Variants in KLHL4 observed in about 807,000 individuals in gnomAD.
KLHL4 encodes the protein kelch-like protein 4.
KLHL4 carries 17 observed loss-of-function variants against 45.8 expected under a neutral mutation model. That is an observed-to-expected ratio of 0.37 (90% CI 0.25 to 0.56). The LOEUF is 0.56. KLHL4 is among the 20% of genes least tolerant of loss of function. The pLI, the probability that KLHL4 is intolerant of heterozygous loss-of-function variation, is 0.79. For synonymous variants in KLHL4, 224 were observed against 189.9 expected, an observed-to-expected ratio of 1.18 and a Z score of -1.47; for missense variants, 544 against 544.9, an observed-to-expected ratio of 1.00 and a Z score of 0.02.
chrX:87,644,545 G>GA (rs1195675911), intron 9 of KLHL4, among the ~76,000 whole-genome samples: 16 of 111,013 alleles, frequency 1.4e-4, no homozygotes, highest in African/African-American at 3.3e-5. Context: ...CACAGAATTA[G>GA]AAAAAACAAT....
Position 87,669,373 on chromosome X carries a change from G to A in KLHL4, c.*2839G>A, listed in dbSNP as rs1482754586. 8.3e-7 allele frequency: 1 copy of A among 1,206,403 alleles called. No homozygotes were observed. The highest frequency in any genetic ancestry group is 1.8e-5 in the African/African-American group (1 of 56,885). On this transcript the variant is annotated 3_prime_UTR_variant, in exon 11 of 11. Transcript: ENST00000373119. The stretch of plus-strand genomic sequence containing the variant: ...AAAACTTCTATACCACACAGAAGCT[G>A]AAAGAGACTCTGGGGCACTAAATTC...
At chrX:87,524,044 A>G (rs189035889) in intron 1 of KLHL4, among the ~76,000 whole-genome samples, 1,361 of 111,984 alleles carry the variant, frequency 0.012, 13 homozygotes, top group South Asian at 0.05. Flanking sequence ...CAAATAATTT[A>G]TGCCAGCACT....
At chrX:87,537,598 C>T (rs1184222976) in intron 1 of KLHL4, among the ~76,000 whole-genome samples, 1 of 110,763 alleles carries the variant, frequency 9.0e-6, no homozygotes, top group Non-Finnish European at 1.9e-5. Context: ...GCCCTGTTAT[C>T]AAGGTATAAC....
At chrX:87,665,696 A>G (rs958891563) in intron 10 of KLHL4, among the ~76,000 whole-genome samples, 5 of 111,741 alleles carry the variant, frequency 4.5e-5, no homozygotes, top group Non-Finnish European at 9.4e-5. Context: ...CCATCTCCAC[A>G]AAAAGGCAAA....
chrX:87,595,422 T>C (rs907521183), intron 1 of KLHL4, among the ~76,000 whole-genome samples: 1 of 112,104 alleles, frequency 8.9e-6, no homozygotes, highest in African/African-American at 3.2e-5. Flanking sequence ...CCAGCCCACC[T>C]CAACTTAGTT....
intron 5 of KLHL4, among the ~76,000 whole-genome samples, chrX:87,622,893 A>G (rs1386047907): frequency 8.9e-6 from 1 of 111,810 alleles, no homozygotes; most frequent in East Asian, 2.8e-4. Context: ...AGGCATCCTC[A>G]CCATATATGT....
Position 87,614,051 on chromosome X carries a change from A to AT in KLHL4, c.590+12dup. On this transcript the variant is annotated splice_region_variant and intron_variant, in intron 2 of 10. Transcript: ENST00000373119. ...TCCGCATCCCAGCCCATAGGTAAGT[A>AT]TTTTTATGTATACAGAATGGTTTTG... 8.5e-7 allele frequency: 1 copy of AT among 1,178,788 alleles called. No individual in the cohort carries two copies. Among genetic ancestry groups the AT allele is most frequent in the Non-Finnish European group, 1.1e-6 (1 of 873,029 alleles).
intron 1 of KLHL4, among the ~76,000 whole-genome samples, chrX:87,554,617 G>A (rs1931924160): frequency 9.4e-6 from 1 of 106,626 alleles, no homozygotes; most frequent in South Asian, 4.3e-4. Flanking sequence ...AGAGATTTTG[G>A]CTGAGACAAT....
At chrX:87,554,085 T>A (rs1449085145) in intron 1 of KLHL4, among the ~76,000 whole-genome samples, 1 of 97,909 alleles carries the variant, frequency 1.0e-5, no homozygotes, top group Admixed American at 1.2e-4. Flanking sequence ...ATATCTCTGT[T>A]TTGGTACCAG....
At chrX:87,584,616 G>A (rs1921396238) in intron 1 of KLHL4, among the ~76,000 whole-genome samples, 1 of 110,941 alleles carries the variant, frequency 9.0e-6, no homozygotes, top group African/African-American at 3.3e-5. Flanking sequence ...GGATCTAGCA[G>A]AAGATAGTAA....
rs138025205 is a variant in KLHL4 at position 87,646,986 on chromosome X, A to G, written c.1925+11211A>G. ...TACAGAGGGGGAGAAAATCTTTACA[A>G]TCTACATCTAACAAAGGACAGAATC... is the stretch of plus-strand genomic sequence containing the variant. On this transcript the variant is annotated intron_variant, in intron 9 of 10. Coordinates refer to ENST00000373119, the MANE Select transcript of KLHL4 (RefSeq NM_019117.5). 2.4e-3 allele frequency among the ~76,000 whole-genome samples: 267 copies of G among 111,597 alleles called. 1 individual carries two copies. The highest frequency in any genetic ancestry group is 0.023 in the Middle Eastern group (5 of 215).
rs1931624279 is a variant in KLHL4, at chrX:87,544,155, C to A, written c.422+25840C>A. On this transcript the variant is annotated intron_variant, in intron 1 of 10. Transcript: ENST00000373119. ...ACAAGCTGACATAAGAGACCTTGAG[C>A]CTTAAGAGAACATTGGTGCTATTCT... Among the ~76,000 whole-genome samples, 3 of 110,768 alleles carry A rather than the reference C, an allele frequency of 2.7e-5. No homozygotes were observed. The Admixed American group carries it at 2.9e-4, about 11-fold the overall frequency.
At chrX:87,618,213 C>A in intron 4 of KLHL4, 85 bp downstream of exon 4, 1 of 735,346 alleles carries the variant, frequency 1.4e-6, no homozygotes, top group African/African-American at 2.1e-5. Context: ...ACTTATATAA[C>A]TTGTAGATGA....
chrX:87,600,514 G>A (rs1371132050), intron 1 of KLHL4, among the ~76,000 whole-genome samples: 2 of 107,975 alleles, frequency 1.9e-5, no homozygotes, highest in Non-Finnish European at 3.8e-5. Context: ...ATAGTGCGTA[G>A]CACCTCCCCG....
chrX:87,663,754 A>G (rs1924277602), intron 9 of KLHL4, among the ~76,000 whole-genome samples: 1 of 112,393 alleles, frequency 8.9e-6, no homozygotes, highest in African/African-American at 3.2e-5. Flanking sequence ...ACTCAATGAT[A>G]TAGAATTTAA....
chrX:87,538,177 T>C (rs1036984645), intron 1 of KLHL4, among the ~76,000 whole-genome samples: 4 of 111,622 alleles, frequency 3.6e-5, no homozygotes, highest in African/African-American at 6.5e-5. Context: ...TAAGAATTGA[T>C]ACACGCAGAG....
intron 1 of KLHL4, among the ~76,000 whole-genome samples, chrX:87,530,905 T>C (rs2147765938): frequency 9.0e-6 from 1 of 110,682 alleles, no homozygotes; most frequent in African/African-American, 3.3e-5. Context: ...AAAGTGTTCC[T>C]TTTTCTCCAC....
In KLHL4 at chrX:87,639,661, A is replaced by G. The variant is rs145312351; in HGVS notation, c.1925+3886A>G. ...TGAAATAAAAAATTATTTGAACTGA[A>G]CAATAATAATAATATAACCTCTCCA... On this transcript the variant is annotated intron_variant, in intron 9 of 10. Coordinates refer to ENST00000373119, the MANE Select transcript of KLHL4 (RefSeq NM_019117.5). Among the ~76,000 whole-genome samples the G allele has an allele frequency of 5.1e-3, 568 of 111,229 alleles. 4 individuals carry two copies. Among genetic ancestry groups the G allele is most frequent in the African/African-American group, 0.018 (540 of 30,646 alleles).
intron 6 of KLHL4, 145 bp from the exon 7 acceptor site, chrX:87,632,065 G>A: frequency 2.4e-6 from 1 of 422,251 alleles, no homozygotes. Flanking sequence ...CCAGGTTGTA[G>A]AATTACCTGA....
Sources: allele counts gnomAD v4.1 joint callset (sites outside exome capture counted in the v4.1 genomes callset), GRCh38; gene constraint gnomAD v4.1.1; transcripts MANE v1.5; gene names NCBI Gene and HGNC (gene_info 2026-07-23, HGNC 2026-07-21).